Variants in PTPN12 observed in about 807,000 individuals in gnomAD.
The protein encoded by PTPN12 is tyrosine-protein phosphatase non-receptor type 12.
In PTPN12, 29 loss-of-function variants were observed where a neutral mutation model predicts 97.6. That is an observed-to-expected ratio of 0.30 (90% confidence interval 0.22 to 0.41). The LOEUF (loss-of-function observed/expected upper bound fraction) is 0.41. Ranked by LOEUF, PTPN12 falls within the 10% of genes least tolerant of loss-of-function variation. The pLI is 1.00. For synonymous variants in PTPN12, 327 were observed against 300.4 expected, an observed-to-expected ratio of 1.09 and a Z score of -0.91; for missense variants, 819 against 926.0, an observed-to-expected ratio of 0.88 and a Z score of 1.50.
chr7:77,623,072 C>T (rs1425334182), intron 12 of PTPN12, among the ~76,000 whole-genome samples: 1 of 150,072 alleles, frequency 6.7e-6, no homozygotes, highest in Non-Finnish European at 1.5e-5. Context: ...TTATATAGAG[C>T]GTATACACCA....
intron 5 of PTPN12, among the ~76,000 whole-genome samples, chr7:77,587,261 T>C (rs772739652): frequency 6.9e-4 from 105 of 152,176 alleles, no homozygotes; most frequent in Non-Finnish European, 1.5e-4. Context: ...AATTACTCCT[T>C]GATCCATGGG....
rs182691214 is a variant in PTPN12 at position 77,613,041 on chromosome 7, G to A, written c.939+1995G>A. Among the ~76,000 whole-genome samples, 142 of 151,918 alleles carry A rather than the reference G, an allele frequency of 9.3e-4. 4 individuals are homozygous for A. In the East Asian group the frequency reaches 0.023, roughly 25 times the overall value. ...CTGCCTCAGCCTCCCAAAGTGCTAGGATTATAGGTGTGAGCCACTGCACCC... is the reference window on the plus strand; with the variant it reads ...CTGCCTCAGCCTCCCAAAGTGCTAGAATTATAGGTGTGAGCCACTGCACCC... On this transcript the variant is annotated intron_variant, in intron 11 of 17. Transcript: ENST00000248594.
chr7:77,570,455 A>G (rs1247814076), intron 1 of PTPN12, among the ~76,000 whole-genome samples: 1 of 152,222 alleles, frequency 6.6e-6, no homozygotes, highest in Non-Finnish European at 1.5e-5. Flanking sequence ...TGCTTCTGAA[A>G]GCAGGAAGTG....
chr7:77,592,805 AAC>A (rs1220549709), intron 6 of PTPN12, among the ~76,000 whole-genome samples: 1 of 152,196 alleles, frequency 6.6e-6, no homozygotes, highest in Non-Finnish European at 1.5e-5. Context: ...CTCAAAAGCT[AAC>A]ACAGCAAAAA....
At chr7:77,608,762 T>G (rs981458188) in intron 9 of PTPN12, among the ~76,000 whole-genome samples, 1 of 152,218 alleles carries the variant, frequency 6.6e-6, no homozygotes, top group Admixed American at 6.5e-5. Context: ...ATTTTTTTCC[T>G]CAAAAACTAT....
chr7:77,597,272 C>T (rs1431864801), intron 6 of PTPN12, among the ~76,000 whole-genome samples: 9 of 152,042 alleles, frequency 5.9e-5, no homozygotes, highest in Non-Finnish European at 8.8e-5. Flanking sequence ...TACAGGTGCG[C>T]GCCACCACAC....
intron 7 of PTPN12, among the ~76,000 whole-genome samples, chr7:77,598,794 A>T (rs1270203122): frequency 6.6e-6 from 1 of 151,340 alleles, no homozygotes. Flanking sequence ...TTTGCTTTAT[A>T]TCTGCAAAAT....
At chr7:77,544,520 T>G (rs879299554) in intron 1 of PTPN12, among the ~76,000 whole-genome samples, 3 of 152,258 alleles carry the variant, frequency 2.0e-5, no homozygotes, top group Non-Finnish European at 4.4e-5. Flanking sequence ...TTATTTACTT[T>G]CAAAATATAT....
chr7:77,549,495 T>C (rs1295099140), intron 1 of PTPN12, among the ~76,000 whole-genome samples: 1 of 152,158 alleles, frequency 6.6e-6, no homozygotes, highest in Non-Finnish European at 1.5e-5. Flanking sequence ...TTATGGTACC[T>C]AAATTTAAAT....
intron 12 of PTPN12, among the ~76,000 whole-genome samples, chr7:77,619,409 T>A (rs959644355): frequency 4.9e-4 from 74 of 152,250 alleles, no homozygotes; most frequent in African/African-American, 1.7e-3. Context: ...AACGAAATCA[T>A]CTCTCTGAAC....
chr7:77,583,133 G>C (rs117763351), intron 3 of PTPN12, among the ~76,000 whole-genome samples: 2 of 152,116 alleles, frequency 1.3e-5, no homozygotes, highest in Non-Finnish European at 2.9e-5. Context: ...AAACTTTTGA[G>C]TTGAATAGAT....
At chr7:77,550,418 T>A (rs557270430) in intron 1 of PTPN12, among the ~76,000 whole-genome samples, 1 of 152,220 alleles carries the variant, frequency 6.6e-6, no homozygotes, top group African/African-American at 2.4e-5. Flanking sequence ...AATATAAAGT[T>A]AATTTCTGAA....
chr7:77,539,324 TCTAA>T (rs1225074959), intron 1 of PTPN12, among the ~76,000 whole-genome samples: 5 of 152,220 alleles, frequency 3.3e-5, no homozygotes, highest in Admixed American at 6.5e-5. Context: ...AGTTAAATAA[TCTAA>T]CTTATTCCTT....
At chr7:77,631,055 T>A (rs2151402315) in intron 13 of PTPN12, among the ~76,000 whole-genome samples, 1 of 152,300 alleles carries the variant, frequency 6.6e-6, no homozygotes, top group East Asian at 1.9e-4. Context: ...TCATTTAATT[T>A]AAGAAATGGT....
chr7:77,629,902 C>T (rs1240543346), intron 13 of PTPN12, among the ~76,000 whole-genome samples: 19 of 147,762 alleles, frequency 1.3e-4, no homozygotes, highest in Admixed American at 1.1e-3. Flanking sequence ...AATTGCGTCC[C>T]GGCACTCTGC....
chr7:77,607,378 T>A, intron 9 of PTPN12, 77 bp downstream of exon 9: 1 of 1,044,058 alleles, frequency 9.6e-7, no homozygotes, highest in Non-Finnish European at 1.4e-6. Flanking sequence ...TGCAGTAAAT[T>A]ATAGTGTATA....
intron 1 of PTPN12, among the ~76,000 whole-genome samples, chr7:77,559,760 A>G (rs775724637): frequency 7.1e-6 from 1 of 141,778 alleles, no homozygotes; most frequent in Non-Finnish European, 1.5e-5. Context: ...TGGGTTATCA[A>G]TGTCTATTAC....
chr7:77,591,238 G>A (rs2151344901), intron 5 of PTPN12, among the ~76,000 whole-genome samples: 1 of 152,188 alleles, frequency 6.6e-6, no homozygotes, highest in South Asian at 2.1e-4. Flanking sequence ...ACTGTATTTG[G>A]AACTGTGAAG....
chr7:77,566,833 A>G (rs1015341407), intron 1 of PTPN12, among the ~76,000 whole-genome samples: 1 of 152,298 alleles, frequency 6.6e-6, no homozygotes, highest in South Asian at 2.1e-4. Flanking sequence ...GTGGGTACCT[A>G]TAACTTAATA....
Sources: allele counts gnomAD v4.1 joint callset (sites outside exome capture counted in the v4.1 genomes callset), GRCh38; gene constraint gnomAD v4.1.1; transcripts MANE v1.5; gene names NCBI Gene and HGNC (gene_info 2026-07-23, HGNC 2026-07-21).